RABGAP1L: variants seen among roughly 807,000 people sequenced by gnomAD.
The protein encoded by RABGAP1L is rab GTPase-activating protein 1-like.
Under a neutral mutation model 137.7 loss-of-function variants are expected in RABGAP1L, and 63 were observed. The ratio of observed to expected loss-of-function variants is 0.46; its 90% confidence interval spans 0.37 to 0.56. RABGAP1L has a LOEUF of 0.56. Among genes scored for constraint, RABGAP1L ranks in the 20% least tolerant of loss-of-function variants. The pLI is 0.00. For synonymous variants in RABGAP1L, 431 were observed against 433.7 expected (o/e 0.99, Z 0.08); for missense variants, 1,095 against 1,244.0 (o/e 0.88, Z 1.80).
At chr1:174,850,441 A>G (rs1048820456) in intron 19 of RABGAP1L, among the ~76,000 whole-genome samples, 1 of 152,198 alleles carries the variant, frequency 6.6e-6, no homozygotes, top group Admixed American at 6.5e-5. Flanking sequence ...TATTAGAAAG[A>G]AGTCTTGCTT....
intron 11 of RABGAP1L, among the ~76,000 whole-genome samples, chr1:174,320,828 G>A (rs1469897483): frequency 6.6e-6 from 1 of 152,116 alleles, no homozygotes; most frequent in Non-Finnish European, 1.5e-5. Flanking sequence ...TGCACAAACT[G>A]TTCGTAAAGC....
At chr1:174,833,015 G>T (rs889340214) in intron 19 of RABGAP1L, among the ~76,000 whole-genome samples, 1 of 152,066 alleles carries the variant, frequency 6.6e-6, no homozygotes, top group African/African-American at 2.4e-5. Context: ...CCTAATGAAG[G>T]CTACTTGGCT....
At chr1:174,757,077 C>G in intron 18 of RABGAP1L, 3 of 514,034 alleles carry the variant, frequency 5.8e-6, no homozygotes, top group South Asian at 4.5e-5. Flanking sequence ...TTTTCCCCCA[C>G]GGACTCTGCC....
At chr1:174,389,200 CT>C (rs1687033254) in intron 12 of RABGAP1L, among the ~76,000 whole-genome samples, 1 of 152,028 alleles carries the variant, frequency 6.6e-6, no homozygotes, top group Admixed American at 6.6e-5. Context: ...TTCTCCGTAT[CT>C]AGTTCTTCTC....
At chr1:174,240,350 G>T in intron 4 of RABGAP1L, among the ~76,000 whole-genome samples, 1 of 152,294 alleles carries the variant, frequency 6.6e-6, no homozygotes, top group Middle Eastern at 3.4e-3. Context: ...GGGTTCAAGC[G>T]ATTCTCATAC....
intron 13 of RABGAP1L, among the ~76,000 whole-genome samples, chr1:174,402,206 G>T (rs1336447097): frequency 6.6e-6 from 1 of 152,194 alleles, no homozygotes; most frequent in South Asian, 2.1e-4. Context: ...CAAGAAAACT[G>T]TCACATGGTT....
At chr1:174,643,692 G>A (rs1449173391) in intron 14 of RABGAP1L, among the ~76,000 whole-genome samples, 1 of 151,982 alleles carries the variant, frequency 6.6e-6, no homozygotes, top group African/African-American at 2.4e-5. Context: ...AATAAAGAAG[G>A]TACCAAATTT....
At chr1:174,902,356 G>T (rs1412054135) in intron 19 of RABGAP1L, among the ~76,000 whole-genome samples, 1 of 152,170 alleles carries the variant, frequency 6.6e-6, no homozygotes, top group African/African-American at 2.4e-5. Context: ...GTCTCTGATG[G>T]ACTCTAATCC....
At chr1:174,510,802 A>T (rs1215263203) in intron 13 of RABGAP1L, among the ~76,000 whole-genome samples, 2 of 152,220 alleles carry the variant, frequency 1.3e-5, no homozygotes, top group Non-Finnish European at 2.9e-5. Context: ...GAAATTTAAT[A>T]AGAGAGTCAT....
intron 11 of RABGAP1L, among the ~76,000 whole-genome samples, chr1:174,366,325 T>C (rs1034458999): frequency 8.5e-5 from 13 of 152,222 alleles, no homozygotes; most frequent in African/African-American, 3.1e-4. Context: ...CTTCCTCTTA[T>C]GCTTTCTTTT....
chr1:174,352,859 G>A (rs61828641), intron 11 of RABGAP1L, among the ~76,000 whole-genome samples: 13,553 of 152,178 alleles, frequency 0.089, 809 homozygotes, highest in East Asian at 0.22. Context: ...GGTGGTCTTC[G>A]GTAAGATCCA....
rs1553272541 is a variant in RABGAP1L, at chr1:174,318,635, T to TCTTTC, written c.1465+13508_1465+13509insCTTTC. 2.4e-3 allele frequency among the ~76,000 whole-genome samples: 223 copies of TCTTTC among 92,264 alleles called. 3 individuals are homozygous for TCTTTC. The highest frequency in any genetic ancestry group is 7.9e-3 in the African/African-American group (220 of 27,688). The allele number at this position is 92,264 out of a possible 152,430, so 60.5% of individuals were successfully genotyped here. On this transcript the variant is annotated intron_variant, in intron 11 of 25. Coordinates refer to ENST00000681986, the MANE Select transcript of RABGAP1L (RefSeq NM_001366446.1). ...TTCTTTCTTTCTTTCTTTCTTTCTTTTTCTTTCTTTTTTGTAGACTTTTTG... is the reference window on the plus strand; with the variant it reads ...TTCTTTCTTTCTTTCTTTCTTTCTTTCTTTCTTCTTTCTTTTTTGTAGACTTTTTG...
intron 5 of RABGAP1L, among the ~76,000 whole-genome samples, chr1:174,249,537 G>C (rs1262268850): frequency 6.6e-6 from 1 of 150,440 alleles, no homozygotes; most frequent in Non-Finnish European, 1.5e-5. Flanking sequence ...ACTTAAATTA[G>C]TTCAATATCT....
rs754796819 is a variant in RABGAP1L, at chr1:174,241,471, A to C, written c.543-12A>C. ...TTAATATTTTATCTAACTTTTCATT[A>C]CTGTTCTACAGAATTATAGACCAAT... On this transcript the variant is annotated splice_polypyrimidine_tract_variant and intron_variant, in intron 4 of 25. Coordinates refer to ENST00000681986, the MANE Select transcript of RABGAP1L (RefSeq NM_001366446.1). The C allele has an allele frequency of 1.4e-6, 2 of 1,477,762 alleles. No homozygotes were observed. Among genetic ancestry groups the C allele is most frequent in the South Asian group, 2.9e-5 (2 of 70,050 alleles). The allele number at this position is 1,477,762 out of a possible 1,614,324, so 91.5% of individuals were successfully genotyped here.
intron 13 of RABGAP1L, among the ~76,000 whole-genome samples, chr1:174,517,437 G>A (rs974910837): frequency 6.6e-6 from 1 of 152,094 alleles, no homozygotes; most frequent in Non-Finnish European, 1.5e-5. Context: ...GACTAGACCA[G>A]TGATAAAACA....
chr1:174,222,559 A>G lies in RABGAP1L; in HGVS notation c.331+1395A>G, dbSNP rs557179773. On this transcript the variant is annotated intron_variant, in intron 3 of 25. Coordinates refer to ENST00000681986, the MANE Select transcript of RABGAP1L (RefSeq NM_001366446.1). Reference sequence around the variant, plus strand: ...AATTTAAAATTTTACATGTATATGCACATGTAAAGTTCTTGGAAAACTTAG... The same window carrying G: ...AATTTAAAATTTTACATGTATATGCGCATGTAAAGTTCTTGGAAAACTTAG... 1.5e-4 allele frequency among the ~76,000 whole-genome samples: 23 copies of G among 152,352 alleles called. 1 individual carries two copies. The South Asian group carries it at 2.3e-3, about 15-fold the overall frequency.
chr1:174,288,946 G>C (rs1290083463), intron 10 of RABGAP1L, among the ~76,000 whole-genome samples: 1 of 151,994 alleles, frequency 6.6e-6, no homozygotes, highest in African/African-American at 2.4e-5. Flanking sequence ...TCATCTTTGA[G>C]TTCACTGATT....
At chr1:174,163,006 G>A (rs1327080297) in intron 1 of RABGAP1L, among the ~76,000 whole-genome samples, 2 of 150,692 alleles carry the variant, frequency 1.3e-5, no homozygotes, top group Non-Finnish European at 3.0e-5. Context: ...TGAGTTAGTG[G>A]GTGCAGCGCA....
At chr1:174,181,521 T>C (rs1666364175) in intron 1 of RABGAP1L, among the ~76,000 whole-genome samples, 1 of 151,980 alleles carries the variant, frequency 6.6e-6, no homozygotes, top group African/African-American at 2.4e-5. Flanking sequence ...GTATTTTTAG[T>C]AGAGATGGGG....
Sources: allele counts gnomAD v4.1 joint callset (sites outside exome capture counted in the v4.1 genomes callset), GRCh38; gene constraint gnomAD v4.1.1; transcripts MANE v1.5; gene names NCBI Gene and HGNC (gene_info 2026-07-23, HGNC 2026-07-21).